The following NLK variants were observed in gnomAD, a reference collection of about 807,000 sequenced individuals.
NLK encodes the protein serine/threonine-protein kinase NLK.
NLK carries 11 observed loss-of-function variants against 59.0 expected under a neutral mutation model. The observed-to-expected ratio is 0.19, with a 90% CI of 0.12 to 0.31. The LOEUF is 0.31. NLK is among the 10% of genes least tolerant of loss of function. The pLI is 1.00. For synonymous variants in NLK, 235 were observed against 235.9 expected (o/e 1.00, Z 0.03); for missense variants, 410 against 661.1 (o/e 0.62, Z 4.16).
intron 3 of NLK, among the ~76,000 whole-genome samples, chr17:28,155,137 G>A (rs1567730241): frequency 6.6e-6 from 1 of 152,166 alleles, no homozygotes; most frequent in Non-Finnish European, 1.5e-5. Context: ...ACACTATGCA[G>A]TCATTAAAAT....
chr17:28,153,966 T>C lies in NLK; in HGVS notation c.645-7194T>C, dbSNP rs189755431. On this transcript the variant is annotated intron_variant, in intron 3 of 10. Coordinates refer to ENST00000407008, the MANE Select transcript of NLK (RefSeq NM_016231.5). ...AATTTGCTGTCAGTCTTGGTTTTCC[T>C]TTTTTTTTCTGTCTCTCATGGTCAC... Among the ~76,000 whole-genome samples, 383 of 151,464 alleles carry C rather than the reference T, an allele frequency of 2.5e-3. 4 individuals carry two copies. Among genetic ancestry groups the C allele is most frequent in the African/African-American group, 8.6e-3 (355 of 41,286 alleles).
At chr17:28,168,718 C>G (rs1050074815) in intron 6 of NLK, 61 bp downstream of exon 6, 2 of 1,304,274 alleles carry the variant, frequency 1.5e-6, no homozygotes, top group African/African-American at 2.9e-5. Flanking sequence ...GAAAATCCAT[C>G]TTGCACATGT....
chr17:28,102,541 C>T (rs1012785032), intron 1 of NLK, among the ~76,000 whole-genome samples: 1 of 150,984 alleles, frequency 6.6e-6, no homozygotes, highest in Middle Eastern at 3.4e-3. Context: ...CCCAGCTATG[C>T]GGGAGGCTGA....
At chr17:28,057,907 A>T (rs185505313) in intron 1 of NLK, among the ~76,000 whole-genome samples, 326 of 152,338 alleles carry the variant, frequency 2.1e-3, no homozygotes, top group African/African-American at 7.6e-3. Flanking sequence ...TGAGTTAATG[A>T]TTGGAAAAGG....
chr17:28,085,145 C>T (rs1400682215), intron 1 of NLK, among the ~76,000 whole-genome samples: 4 of 151,882 alleles, frequency 2.6e-5, no homozygotes, highest in Non-Finnish European at 5.9e-5. Context: ...TTTCAAGTGC[C>T]CAAGATTTGT....
intron 9 of NLK, among the ~76,000 whole-genome samples, chr17:28,191,700 G>A (rs977461710): frequency 3.9e-5 from 6 of 152,178 alleles, no homozygotes; most frequent in Non-Finnish European, 8.8e-5. Context: ...AGTGTCTACT[G>A]TAGGACATTT....
intron 3 of NLK, among the ~76,000 whole-genome samples, chr17:28,135,496 G>T (rs565711872): frequency 6.6e-6 from 1 of 152,248 alleles, no homozygotes; most frequent in East Asian, 1.9e-4. Flanking sequence ...AAACTATCTG[G>T]CATGCCCAAA....
At chr17:28,198,543 T>C (rs1909542442), downstream of NLK, among the ~76,000 whole-genome samples, 1 of 152,188 alleles carries the variant, frequency 6.6e-6, no homozygotes, top group Non-Finnish European at 1.5e-5. Context: ...CAGGCTGGTG[T>C]CGAACTCCTG....
chr17:28,085,985 C>A (rs1020747132), intron 1 of NLK, among the ~76,000 whole-genome samples: 5 of 152,122 alleles, frequency 3.3e-5, no homozygotes, highest in Admixed American at 2.6e-4. Flanking sequence ...TCTATGACAT[C>A]ATATGACAAA....
intron 1 of NLK, among the ~76,000 whole-genome samples, chr17:28,054,492 A>G (rs1462760544): frequency 6.6e-6 from 1 of 152,248 alleles, no homozygotes; most frequent in Non-Finnish European, 1.5e-5. Flanking sequence ...CGACCAACAA[A>G]GCACCTTTCT....
chr17:28,068,172 A>G (rs1205073532), intron 1 of NLK, among the ~76,000 whole-genome samples: 1 of 150,954 alleles, frequency 6.6e-6, no homozygotes, highest in African/African-American at 2.4e-5. Context: ...TGGATGTTCG[A>G]TTGTTCCAAT....
chr17:28,137,357 G>A (rs898301465), intron 3 of NLK, among the ~76,000 whole-genome samples: 18 of 151,980 alleles, frequency 1.2e-4, no homozygotes, highest in Admixed American at 8.5e-4. Context: ...TCAGTACATC[G>A]AGTCAAAAAT....
intron 1 of NLK, among the ~76,000 whole-genome samples, chr17:28,122,057 C>T (rs1906088916): frequency 6.6e-6 from 1 of 152,152 alleles, no homozygotes; most frequent in Non-Finnish European, 1.5e-5. Flanking sequence ...ACAGGGATCC[C>T]TAAGCTGGCA....
rs369233323 is a variant in NLK, at chr17:28,172,510, C to T, written c.1048-7C>T. 4 of 1,548,364 alleles carry T rather than the reference C, an allele frequency of 2.6e-6. No individual in the cohort carries two copies. The highest frequency in any genetic ancestry group is 2.4e-5 in the East Asian group (1 of 41,194). On this transcript the variant is annotated splice_region_variant and splice_polypyrimidine_tract_variant and intron_variant, in intron 6 of 10. Coordinates refer to ENST00000407008, the MANE Select transcript of NLK (RefSeq NM_016231.5). ...TTACTATCTATCTGTATTTTATTTCCTTGTAGTTGGATTTGATCACGGATC... is the reference window on the plus strand; with the variant it reads ...TTACTATCTATCTGTATTTTATTTCTTTGTAGTTGGATTTGATCACGGATC...
At chr17:28,078,934 A>G (rs1001012240) in intron 1 of NLK, among the ~76,000 whole-genome samples, 22 of 152,228 alleles carry the variant, frequency 1.4e-4, no homozygotes, top group Non-Finnish European at 7.3e-5. Context: ...TTAAAAATGT[A>G]CAGTATAGTT....
At chr17:28,198,604 C>T (rs1213595845), downstream of NLK, among the ~76,000 whole-genome samples, 2 of 152,114 alleles carry the variant, frequency 1.3e-5, no homozygotes, top group African/African-American at 2.4e-5. Context: ...GGATTACAGG[C>T]GTGAGCCACC....
intron 8 of NLK, 46 bp downstream of exon 8, chr17:28,185,311 A>G (rs1021809939): frequency 3.4e-6 from 4 of 1,180,200 alleles, no homozygotes; most frequent in Non-Finnish European, 3.6e-6. Context: ...TTACAAATAC[A>G]TGTGTTCGAG....
intron 3 of NLK, among the ~76,000 whole-genome samples, chr17:28,148,976 G>C (rs1044361695): frequency 6.6e-6 from 1 of 152,162 alleles, no homozygotes; most frequent in African/African-American, 2.4e-5. Context: ...TCATGAAATA[G>C]TTCATATGAA....
At chr17:28,084,806 C>T (rs950004277) in intron 1 of NLK, among the ~76,000 whole-genome samples, 3 of 152,218 alleles carry the variant, frequency 2.0e-5, no homozygotes, top group Non-Finnish European at 2.9e-5. Context: ...TCATGATCTG[C>T]CCGCTTTGGC....
Sources: gnomAD v4.1 joint callset for allele counts (sites outside exome capture counted in the v4.1 genomes callset) on GRCh38, gnomAD v4.1.1 for gene constraint, MANE v1.5 for transcripts, NCBI Gene and HGNC (gene_info 2026-07-23, HGNC 2026-07-21) for gene names.